Variants in SND1 observed in about 807,000 individuals in gnomAD.
SND1 encodes the protein staphylococcal nuclease and tudor domain containing 1.
Under a neutral mutation model 121.7 loss-of-function variants are expected in SND1, and 38 were observed. The observed-to-expected ratio is 0.31, with a 90% CI of 0.24 to 0.41. The LOEUF (loss-of-function observed/expected upper bound fraction) is 0.41. Among genes scored for constraint, SND1 ranks in the 10% least tolerant of loss-of-function variants. The pLI, the probability that SND1 is intolerant of heterozygous loss-of-function variation, is 1.00. For missense variants in SND1, 868 were observed against 1,184.6 expected, an observed-to-expected ratio of 0.73 and a Z score of 3.92; for synonymous variants, 401 against 447.4, an observed-to-expected ratio of 0.90 and a Z score of 1.31.
At chr7:127,815,453 G>A (rs1040440574) in intron 11 of SND1, among the ~76,000 whole-genome samples, 6 of 152,008 alleles carry the variant, frequency 3.9e-5, no homozygotes, top group Admixed American at 6.6e-5. Flanking sequence ...TCATGCCACT[G>A]GACTCTAGTC....
intron 12 of SND1, among the ~76,000 whole-genome samples, chr7:127,871,028 A>T (rs1173122874): frequency 6.6e-6 from 1 of 152,120 alleles, no homozygotes; most frequent in Non-Finnish European, 1.5e-5. Context: ...GTTTGTTGAA[A>T]AGTAAGACAC....
intron 11 of SND1, among the ~76,000 whole-genome samples, chr7:127,832,540 C>T (rs2116626076): frequency 6.6e-6 from 1 of 152,274 alleles, no homozygotes; most frequent in East Asian, 1.9e-4. Context: ...ATCTCTAAGG[C>T]AGACAATTCT....
chr7:127,756,149 G>T (rs777026428), intron 10 of SND1, among the ~76,000 whole-genome samples: 2 of 152,182 alleles, frequency 1.3e-5, no homozygotes, highest in Non-Finnish European at 2.9e-5. Flanking sequence ...AACCAATTAC[G>T]CTAGAGGAGC....
chr7:127,987,887 G>T (rs1802431144), intron 15 of SND1, among the ~76,000 whole-genome samples: 1 of 142,032 alleles, frequency 7.0e-6, no homozygotes, highest in Non-Finnish European at 1.5e-5. Flanking sequence ...TTGCTAAGCT[G>T]GCCTCCAATA....
intron 13 of SND1, among the ~76,000 whole-genome samples, chr7:127,903,644 C>G (rs1563053198): frequency 6.6e-6 from 1 of 152,106 alleles, no homozygotes; most frequent in Non-Finnish European, 1.5e-5. Context: ...CTACCTAGCA[C>G]TGAGCAAAAC....
intron 1 of SND1, among the ~76,000 whole-genome samples, chr7:127,656,732 A>C (rs924378517): frequency 1.3e-5 from 2 of 152,202 alleles, no homozygotes; most frequent in African/African-American, 4.8e-5. Context: ...CCCCGAACAG[A>C]GGGACTGGCT....
At position 127,769,248 on chromosome 7, in the gene SND1, G is replaced by GTT. The variant is rs572439921; in HGVS notation, c.1153-38226_1153-38225dup. On this transcript the variant is annotated intron_variant, in intron 10 of 23. Transcript: ENST00000354725. ...GAAGCCCAAAAGTATTAGGTAGAGT[G>GTT]TTTTTTTTTTTAGAAGTGACAGTAG... 1.3e-4 allele frequency among the ~76,000 whole-genome samples: 19 copies of GTT among 146,386 alleles called. No individual in the cohort carries two copies. In the South Asian group the frequency reaches 1.5e-3, roughly 12 times the overall value.
At chr7:127,731,967 A>G (rs1796684352) in intron 10 of SND1, among the ~76,000 whole-genome samples, 1 of 152,216 alleles carries the variant, frequency 6.6e-6, no homozygotes. Context: ...TTCTCAGGGC[A>G]GAAGCTAATG....
At chr7:127,957,135 G>A (rs1463753958) in intron 15 of SND1, among the ~76,000 whole-genome samples, 1 of 152,212 alleles carries the variant, frequency 6.6e-6, no homozygotes, top group Non-Finnish European at 1.5e-5. Flanking sequence ...CTGTCCCCAG[G>A]TCCCCAAGAA....
At chr7:127,674,065 TCTGTCTTC>T (rs1299928438) in intron 1 of SND1, among the ~76,000 whole-genome samples, 1 of 151,312 alleles carries the variant, frequency 6.6e-6, no homozygotes, top group Non-Finnish European at 1.5e-5. Context: ...TCTCCCTGTC[TCTGTCTTC>T]CTGTCTTCCT....
intron 15 of SND1, among the ~76,000 whole-genome samples, 186 bp from the exon 16 acceptor site, chr7:127,990,761 T>C (rs1304751590): frequency 1.3e-5 from 2 of 152,202 alleles, no homozygotes; most frequent in African/African-American, 2.4e-5. Context: ...GTGTTGGTTT[T>C]TTCCACCTGG....
At chr7:127,657,631 G>T (rs1795234253) in intron 1 of SND1, among the ~76,000 whole-genome samples, 1 of 151,976 alleles carries the variant, frequency 6.6e-6, no homozygotes, top group Non-Finnish European at 1.5e-5. Context: ...GAGTAGCTAG[G>T]ACTACAGGTG....
At position 127,707,595 on chromosome 7, in the gene SND1, A is replaced by G. The variant is rs1796223096; in HGVS notation, c.986A>G (p.Tyr329Cys). The G allele has an allele frequency of 6.2e-7, 1 of 1,614,162 alleles. No homozygotes were observed. Among genetic ancestry groups the G allele is most frequent in the East Asian group, 2.2e-5 (1 of 44,870 alleles). ...KERRLRIWRDYVAPTANLDQK... is the reference protein window; with the variant it reads ...KERRLRIWRDCVAPTANLDQK... ...CGCAGGCTGAGAATATGGAGAGACT[A>G]TGTGGCTCCCACAGCTAATTTGGAC... is the stretch of plus-strand genomic sequence containing the variant. Residue 329 changes from tyrosine (Y) to cysteine (C), a missense_variant, in exon 9 of 24, where the codon TAT becomes TGT. This residue lies in a region of SND1 where 743 missense variants were observed against 1,071.3 expected (regional missense o/e 0.69). Coordinates refer to ENST00000354725, the MANE Select transcript of SND1 (RefSeq NM_014390.4).
At chr7:128,086,649 A>G in intron 20 of SND1, 2 of 474,378 alleles carry the variant, frequency 4.2e-6, no homozygotes, top group Non-Finnish European at 7.7e-6. Context: ...AGGAAATGGA[A>G]AAGCGATTAG....
At chr7:127,811,449 G>A (rs1798333458) in intron 11 of SND1, among the ~76,000 whole-genome samples, 2 of 152,056 alleles carry the variant, frequency 1.3e-5, no homozygotes, top group South Asian at 4.2e-4. Flanking sequence ...CGGTGTTATG[G>A]GAGTTACCCC....
At chr7:127,671,314 T>C (rs900549712) in intron 1 of SND1, among the ~76,000 whole-genome samples, 1 of 152,236 alleles carries the variant, frequency 6.6e-6, no homozygotes, top group Non-Finnish European at 1.5e-5. Context: ...AGTCCCTAAC[T>C]GCCTTATCAT....
chr7:127,844,358 G>T lies in SND1; in HGVS notation c.1277G>T (p.Ser426Ile). Residue 426 changes from serine (S) to isoleucine (I), a missense_variant, in exon 12 of 24, where the codon AGC (serine) becomes ATC (isoleucine). Physicochemically the swap from Ser to Ile is moderately radical, Grantham distance 142 (BLOSUM62 -2). Transcript: ENST00000354725. The stretch of plus-strand genomic sequence containing the variant: ...ACGGTGGACTACATTAGACCAGCCA[G>T]CCCAGCCACAGAGACAGTGCCTGCC... The part of the protein sequence containing the change: ...NVTVDYIRPA[S>I]PATETVPAFS... The T allele has an allele frequency of 1.2e-6, 2 of 1,612,208 alleles. No homozygotes were observed. The highest frequency in any genetic ancestry group is 1.7e-6 in the Non-Finnish European group (2 of 1,179,512).
At chr7:127,896,175 C>A (rs1022607353) in intron 13 of SND1, among the ~76,000 whole-genome samples, 1 of 152,058 alleles carries the variant, frequency 6.6e-6, no homozygotes, top group Non-Finnish European at 1.5e-5. Context: ...TCCCCCACCC[C>A]CATCCGCCAA....
chr7:127,882,620 A>G (rs1329557878), intron 12 of SND1, among the ~76,000 whole-genome samples: 3 of 151,498 alleles, frequency 2.0e-5, no homozygotes, highest in African/African-American at 7.3e-5. Flanking sequence ...TTAAAAAGAG[A>G]ATGAAAGGGA....
Sources: allele counts gnomAD v4.1 joint callset (sites outside exome capture counted in the v4.1 genomes callset), GRCh38; gene constraint gnomAD v4.1.1; regional missense constraint gnomAD v4.1.1; transcripts MANE v1.5; gene names NCBI Gene and HGNC (gene_info 2026-07-23, HGNC 2026-07-21).